TMEM40: variants seen among roughly 807,000 people sequenced by gnomAD.
TMEM40 encodes the protein transmembrane protein 40.
In TMEM40, 34 loss-of-function variants were observed where a neutral mutation model predicts 40.8. That is an observed-to-expected ratio of 0.83 (90% CI 0.63 to 1.11). TMEM40 has a LOEUF of 1.11. Among genes scored for constraint, TMEM40 ranks in the 50% least tolerant of loss-of-function variants. TMEM40 has a pLI of 0.00. For missense variants in TMEM40, 296 were observed against 280.2 expected, an observed-to-expected ratio of 1.06 and a Z score of -0.40; for synonymous variants, 106 against 107.0, an observed-to-expected ratio of 0.99 and a Z score of 0.06.
rs1193984555 is a variant in TMEM40, at chr3:12,734,738, C to T, written c.*36G>A. On this transcript the variant is annotated 3_prime_UTR_variant, in exon 12 of 12. Transcript: ENST00000314124. ...CTCAGGGGTCGCAGTGGTGGTCACA[C>T]TGGGGCCTGCCTCTGCTGCCCACCT... 1 of 1,582,758 alleles carries T rather than the reference C, an allele frequency of 6.3e-7. No homozygotes were observed. The highest frequency in any genetic ancestry group is 8.6e-7 in the Non-Finnish European group (1 of 1,165,848).
At chr3:12,756,716 T>C (rs968909503) in intron 1 of TMEM40, among the ~76,000 whole-genome samples, 1 of 152,106 alleles carries the variant, frequency 6.6e-6, no homozygotes, top group Non-Finnish European at 1.5e-5. Flanking sequence ...TCCCACAGCC[T>C]GGAATCTCAG....
intron 1 of TMEM40, among the ~76,000 whole-genome samples, chr3:12,766,879 C>T (rs141345140): frequency 7.9e-5 from 12 of 152,284 alleles, no homozygotes; most frequent in Admixed American, 3.9e-4. Flanking sequence ...TCCTGACCCT[C>T]GGCCTAGTGA....
intron 1 of TMEM40, among the ~76,000 whole-genome samples, chr3:12,764,292 A>C (rs568103101): frequency 1.3e-5 from 2 of 152,284 alleles, no homozygotes; most frequent in South Asian, 4.1e-4. Context: ...TATTAAATTA[A>C]CTCTAAATTG....
chr3:12,736,950 C>A lies in TMEM40; in HGVS notation c.473-115G>T, dbSNP rs2061342670. 2.3e-6 allele frequency: 3 copies of A among 1,295,522 alleles called. No individual in the cohort carries two copies. The East Asian group carries it at 6.9e-5, about 30-fold the overall frequency. 80.3% of individuals were successfully genotyped at this position (1,295,522 alleles called of 1,614,324 possible). On this transcript the variant is annotated intron_variant, in intron 8 of 11. Transcript: ENST00000314124. Reference sequence around the variant, plus strand: ...GTGGAGTGCAGTTGTGCGATCCCAGCTCATTGCAGCCTTGAAGTCCTGGGC... The same window carrying A: ...GTGGAGTGCAGTTGTGCGATCCCAGATCATTGCAGCCTTGAAGTCCTGGGC...
intron 2 of TMEM40, among the ~76,000 whole-genome samples, chr3:12,749,326 A>G (rs1293017766): frequency 6.6e-6 from 1 of 152,178 alleles, no homozygotes. Context: ...GCCCGGCCAG[A>G]AAAGGGGTTT....
chr3:12,745,041 T>C (rs2061416218), intron 3 of TMEM40, among the ~76,000 whole-genome samples: 1 of 152,158 alleles, frequency 6.6e-6, no homozygotes, highest in Non-Finnish European at 1.5e-5. Flanking sequence ...TAAAGAAATA[T>C]AGAAAATAAA....
chr3:12,735,956 G>A (rs1254960737), intron 10 of TMEM40, among the ~76,000 whole-genome samples: 1 of 151,320 alleles, frequency 6.6e-6, no homozygotes, highest in Non-Finnish European at 1.5e-5. Context: ...CGAATTCCTG[G>A]GCTCAAGCAA....
intron 1 of TMEM40, among the ~76,000 whole-genome samples, chr3:12,756,341 G>A (rs2061527027): frequency 6.6e-6 from 1 of 152,144 alleles, no homozygotes; most frequent in African/African-American, 2.4e-5. Flanking sequence ...CTATGCATAT[G>A]TATATGCTGG....
At chr3:12,759,275 C>G (rs181844120), upstream of TMEM40, 1 of 152,544 alleles carries the variant, frequency 6.6e-6, no homozygotes, top group East Asian at 1.9e-4. Flanking sequence ...AAGGAGAGGA[C>G]AGGCTGCACC....
At chr3:12,751,516 G>C (rs1483952274) in intron 1 of TMEM40, among the ~76,000 whole-genome samples, 7 of 151,880 alleles carry the variant, frequency 4.6e-5, no homozygotes, top group African/African-American at 1.5e-4. Flanking sequence ...CTGACCTTGT[G>C]ATCCGCCCGC....
At chr3:12,739,771 A>G (rs572248000) in intron 5 of TMEM40, among the ~76,000 whole-genome samples, 1 of 152,070 alleles carries the variant, frequency 6.6e-6, no homozygotes, top group Admixed American at 6.6e-5. Context: ...TTCAAATGTG[A>G]AAAAAATGTG....
upstream of TMEM40, among the ~76,000 whole-genome samples, chr3:12,763,409 A>G (rs1022028216): frequency 6.6e-6 from 1 of 152,270 alleles, no homozygotes; most frequent in Admixed American, 6.5e-5. Context: ...TAGAGCTGCC[A>G]GAAGTGTAAG....
intron 5 of TMEM40, among the ~76,000 whole-genome samples, chr3:12,739,606 A>C (rs2061365888): frequency 6.6e-6 from 1 of 150,686 alleles, no homozygotes; most frequent in African/African-American, 2.4e-5. Flanking sequence ...TTTTTAATAG[A>C]GACAGGGTCT....
chr3:12,768,315 G>A (rs1158979762), intron 1 of TMEM40, among the ~76,000 whole-genome samples: 2 of 152,290 alleles, frequency 1.3e-5, no homozygotes, highest in East Asian at 1.9e-4. Flanking sequence ...AGCTTCCACA[G>A]TGTGAAAGGT....
At chr3:12,760,893 C>G (rs575271374), upstream of TMEM40, among the ~76,000 whole-genome samples, 366 of 152,256 alleles carry the variant, frequency 2.4e-3, no homozygotes, top group Non-Finnish European at 3.8e-3. Flanking sequence ...AGGCATGCAC[C>G]CCCACGCCTG....
chr3:12,768,423 C>T (rs1025994432), intron 1 of TMEM40, among the ~76,000 whole-genome samples: 8 of 152,124 alleles, frequency 5.3e-5, no homozygotes, highest in South Asian at 2.1e-4. Flanking sequence ...TACAGAGAGC[C>T]GATTGGTCCG....
upstream of TMEM40, among the ~76,000 whole-genome samples, chr3:12,763,848 T>C (rs1377344994): frequency 1.2e-4 from 19 of 152,146 alleles, no homozygotes; most frequent in Admixed American, 6.6e-5. Context: ...TGTAGGTGTA[T>C]GGAGAAAAGA....
At chr3:12,752,983 T>A (rs2061490202) in intron 1 of TMEM40, among the ~76,000 whole-genome samples, 1 of 152,082 alleles carries the variant, frequency 6.6e-6, no homozygotes, top group Non-Finnish European at 1.5e-5. Context: ...ATCAGAGTGC[T>A]ATGCAAATAT....
chr3:12,753,968 A>G (rs1467948588), intron 1 of TMEM40, among the ~76,000 whole-genome samples: 3 of 152,048 alleles, frequency 2.0e-5, no homozygotes, highest in Non-Finnish European at 4.4e-5. Context: ...CTCTCACACA[A>G]CCAGGAGGGA....
Sources: allele counts gnomAD v4.1 joint callset (sites outside exome capture counted in the v4.1 genomes callset), GRCh38; gene constraint gnomAD v4.1.1; transcripts MANE v1.5; gene names NCBI Gene and HGNC (gene_info 2026-07-23, HGNC 2026-07-21).